NFIX: variants seen among roughly 807,000 people sequenced by gnomAD.
The protein encoded by NFIX is nuclear factor 1 X-type.
A neutral mutation model predicts 53.3 loss-of-function variants in NFIX; 2 were observed. The observed-to-expected ratio is 0.04, with a 90% CI of 0.02 to 0.12. NFIX has a LOEUF of 0.12. Ranked by LOEUF, NFIX falls within the 10% of genes least tolerant of loss-of-function variation. The pLI, the probability that NFIX is intolerant of heterozygous loss-of-function variation, is 1.00. For missense variants in NFIX, 310 were observed against 674.5 expected, an observed-to-expected ratio of 0.46 and a Z score of 5.99; for synonymous variants, 244 against 289.0, an observed-to-expected ratio of 0.84 and a Z score of 1.58.
At chr19:13,085,934 G>A (rs2017753466) in intron 8 of NFIX, among the ~76,000 whole-genome samples, 1 of 152,210 alleles carries the variant, frequency 6.6e-6, no homozygotes, top group Admixed American at 6.5e-5. Context: ...GGCAGGGATG[G>A]GGGAGTGGCC....
At chr19:13,085,427 A>G (rs1171905999) in intron 8 of NFIX, among the ~76,000 whole-genome samples, 10 of 152,184 alleles carry the variant, frequency 6.6e-5, no homozygotes, top group Admixed American at 5.9e-4. Flanking sequence ...TGGGAGCCTG[A>G]GCTCGGGACA....
At position 13,090,752 on chromosome 19, in the gene NFIX, A is replaced by T. The variant is rs548816649; in HGVS notation, c.1494+362A>T. On this transcript the variant is annotated intron_variant, in intron 10 of 10. Transcript: ENST00000592199. The surrounding 1 kb of genome is among the most constrained non-coding windows in gnomAD (Gnocchi z 6.6). ...TGCCTCACTGCTTTCACCTGCCCCG[A>T]CTGGAAGCCCCGGCCCCTAGCCCTC... 8.5e-5 allele frequency among the ~76,000 whole-genome samples: 13 copies of T among 152,124 alleles called. No homozygotes were observed. Among genetic ancestry groups the T allele is most frequent in the Non-Finnish European group, 1.9e-4 (13 of 68,008 alleles).
rs2016874662 is a variant in NFIX, at chr19:13,073,255, G to A, written c.622+146G>A. ...GCTTAGCTTGCTGTCCTGAGGGGAT[G>A]GGGGCACACCTAGAGGATCCCCCCT... On this transcript the variant is annotated intron_variant, in intron 3 of 10. Transcript: ENST00000592199. This position sits in a 1 kb window ranked among gnomAD's most constrained non-coding sequence, Gnocchi z 4.5. 1.0e-6 allele frequency: 1 copy of A among 969,384 alleles called. No individual in the cohort carries two copies. Among genetic ancestry groups the A allele is most frequent in the Non-Finnish European group, 1.7e-6 (1 of 598,938 alleles). 60.0% of individuals were successfully genotyped at this position (969,384 alleles called of 1,614,324 possible).
Position 13,049,707 on chromosome 19 carries a change from C to CTT in NFIX, c.560-23340_560-23339insTT, listed in dbSNP as rs1209419329. Among the ~76,000 whole-genome samples, 1 of 151,944 alleles carries CTT rather than the reference C, an allele frequency of 6.6e-6. No homozygotes were observed. The highest frequency in any genetic ancestry group is 1.9e-4 in the East Asian group (1 of 5,174). ...CTCCTGGGTTCAAGCGATTCTTCTG[C>CTT]CTCGGCCTCCTAAGTAGCTGGGACT... On this transcript the variant is annotated intron_variant, in intron 2 of 10. Transcript: ENST00000592199. This position sits in a 1 kb window ranked among gnomAD's most constrained non-coding sequence, Gnocchi z 4.5.
chr19:13,047,620 G>T (rs939847395), intron 2 of NFIX, among the ~76,000 whole-genome samples: 1 of 152,134 alleles, frequency 6.6e-6, no homozygotes, highest in Admixed American at 6.5e-5. Context: ...TTGAGCTCTA[G>T]GCCCCAGAAC....
intron 1 of NFIX, among the ~76,000 whole-genome samples, chr19:13,019,059 G>A (rs1401163117): frequency 1.3e-5 from 2 of 152,044 alleles, no homozygotes; most frequent in Non-Finnish European, 2.9e-5. Flanking sequence ...GGGCCCAAGT[G>A]TCCAGGATCT....
chr19:13,028,741 A>G lies in NFIX; in HGVS notation c.559+3189A>G, dbSNP rs933521149. ...ATTTCCTGGTGATATCCTTCCATTCAAAGCGGGTATCCCAGAACAGGTGGC... is the reference window on the plus strand; with the variant it reads ...ATTTCCTGGTGATATCCTTCCATTCGAAGCGGGTATCCCAGAACAGGTGGC... On this transcript the variant is annotated intron_variant, in intron 2 of 10. Transcript: ENST00000592199. This position sits in a 1 kb window ranked among gnomAD's most constrained non-coding sequence, Gnocchi z 4.2. Among the ~76,000 whole-genome samples, 14 of 152,094 alleles carry G rather than the reference A, an allele frequency of 9.2e-5. No homozygotes were observed. The highest frequency in any genetic ancestry group is 3.4e-4 in the African/African-American group (14 of 41,402).
chr19:13,091,400 CAAAA>C (rs57370192), intron 10 of NFIX, among the ~76,000 whole-genome samples: 9 of 57,184 alleles, frequency 1.6e-4, no homozygotes, highest in Admixed American at 1.2e-3. Flanking sequence ...TTCCTTCCCT[CAAAA>C]AAAAAAAAAA....
chr19:13,094,605 C>T lies in NFIX; in HGVS notation c.1495-30C>T. 6.5e-7 allele frequency: 1 copy of T among 1,535,924 alleles called. No individual in the cohort carries two copies. The stretch of plus-strand genomic sequence containing the variant: ...AGATGGGACCTGCCCCAGCTGTTCT[C>T]AGTATCGCCTCTTTTTCATCCTGTT... On this transcript the variant is annotated intron_variant, in intron 10 of 10. Coordinates refer to ENST00000592199, the MANE Select transcript of NFIX (RefSeq NM_001365902.3). The surrounding 1 kb of genome is among the most constrained non-coding windows in gnomAD (Gnocchi z 4.3).
At chr19:13,029,018 G>A (rs115978832) in intron 2 of NFIX, among the ~76,000 whole-genome samples, 8 of 152,142 alleles carry the variant, frequency 5.3e-5, no homozygotes, top group African/African-American at 1.2e-4. Flanking sequence ...CCTCCTGTGC[G>A]CCTGCAGCGG....
In NFIX at chr19:13,005,617, A is replaced by G. The variant is rs1009014245; in HGVS notation, c.27+9753A>G. 6.6e-6 allele frequency among the ~76,000 whole-genome samples: 1 copy of G among 152,226 alleles called. No homozygotes were observed. The highest frequency in any genetic ancestry group is 1.5e-5 in the Non-Finnish European group (1 of 68,034). ...TGAAAAACCAAGACTCAGTAGAGGT[A>G]TCCAGTGCTAGGGTCAAGGGCGGGG... On this transcript the variant is annotated intron_variant, in intron 1 of 10. Coordinates refer to ENST00000592199, the MANE Select transcript of NFIX (RefSeq NM_001365902.3). The surrounding 1 kb of genome is among the most constrained non-coding windows in gnomAD (Gnocchi z 4.7).
Position 13,060,406 on chromosome 19 carries a change from G to C in NFIX, c.560-12641G>C, listed in dbSNP as rs1396107276. 6.6e-6 allele frequency among the ~76,000 whole-genome samples: 1 copy of C among 152,042 alleles called. No homozygotes were observed. Among genetic ancestry groups the C allele is most frequent in the Non-Finnish European group, 1.5e-5 (1 of 67,992 alleles). Reference sequence around the variant, plus strand: ...CCTCACTGTGGGTGGGAGGGGCGTGGTCAGCCAGCCTTGCCTCCTGGGGCA... The same window carrying C: ...CCTCACTGTGGGTGGGAGGGGCGTGCTCAGCCAGCCTTGCCTCCTGGGGCA... On this transcript the variant is annotated intron_variant, in intron 2 of 10. Coordinates refer to ENST00000592199, the MANE Select transcript of NFIX (RefSeq NM_001365902.3). This position sits in a 1 kb window ranked among gnomAD's most constrained non-coding sequence, Gnocchi z 4.3.
intron 1 of NFIX, among the ~76,000 whole-genome samples, chr19:13,000,689 C>T (rs989558284): frequency 6.6e-6 from 1 of 152,146 alleles, no homozygotes; most frequent in Non-Finnish European, 1.5e-5. Flanking sequence ...GACAAAGAGA[C>T]CCGGTGCATC....
chr19:13,086,323 G>C (rs1326401126), intron 8 of NFIX, among the ~76,000 whole-genome samples: 1 of 152,184 alleles, frequency 6.6e-6, no homozygotes, highest in South Asian at 2.1e-4. Context: ...TGTGGATTTG[G>C]GGGAGAGGAT....
rs999010609 is a variant in NFIX, at chr19:13,090,097, G to T, written c.1403-202G>T. Among the ~76,000 whole-genome samples, 1 of 152,170 alleles carries T rather than the reference G, an allele frequency of 6.6e-6. No individual in the cohort carries two copies. The highest frequency in any genetic ancestry group is 6.5e-5 in the Admixed American group (1 of 15,284). On this transcript the variant is annotated intron_variant, in intron 9 of 10. Transcript: ENST00000592199. This position sits in a 1 kb window ranked among gnomAD's most constrained non-coding sequence, Gnocchi z 6.6. Reference sequence around the variant, plus strand: ...GTTCCTGGTCAGTGAGAGGATGAGGGTGTCCCTCTGTAGTGGGGGGCAGGC... The same window carrying T: ...GTTCCTGGTCAGTGAGAGGATGAGGTTGTCCCTCTGTAGTGGGGGGCAGGC...
chr19:13,081,009 A>C lies in NFIX; in HGVS notation c.1079-671A>C, dbSNP rs1002958992. On this transcript the variant is annotated intron_variant, in intron 7 of 10. Coordinates refer to ENST00000592199, the MANE Select transcript of NFIX (RefSeq NM_001365902.3). This position sits in a 1 kb window ranked among gnomAD's most constrained non-coding sequence, Gnocchi z 4.7. ...AGCGAGACTCAGTCTCAAAAAAAAA[A>C]ATTCTTTAGGCTGGGCACAGTGGCT... Among the ~76,000 whole-genome samples the C allele has an allele frequency of 6.7e-6, 1 of 148,392 alleles. No homozygotes were observed. Among genetic ancestry groups the C allele is most frequent in the East Asian group, 2.0e-4 (1 of 5,000 alleles).
At chr19:12,999,242 C>T (rs1461452966) in intron 1 of NFIX, among the ~76,000 whole-genome samples, 3 of 151,216 alleles carry the variant, frequency 2.0e-5, no homozygotes, top group African/African-American at 7.3e-5. Flanking sequence ...GGCGTGATCT[C>T]GGCTCACTGT....
At position 13,043,870 on chromosome 19, in the gene NFIX, A is replaced by G. The variant is rs141384970; in HGVS notation, c.559+18318A>G. On this transcript the variant is annotated intron_variant, in intron 2 of 10. Transcript: ENST00000592199. The surrounding 1 kb of genome is among the most constrained non-coding windows in gnomAD (Gnocchi z 4.0). ...CCAGGTGTGGTGGCTCATACCTGTAATTCTAGCACTTTGGGAGGCCGATGT... is the reference window on the plus strand; with the variant it reads ...CCAGGTGTGGTGGCTCATACCTGTAGTTCTAGCACTTTGGGAGGCCGATGT... Among the ~76,000 whole-genome samples, 410 of 152,218 alleles carry G rather than the reference A, an allele frequency of 2.7e-3. 6 individuals carry two copies. Among genetic ancestry groups the G allele is most frequent in the African/African-American group, 9.6e-3 (399 of 41,522 alleles).
chr19:13,078,148 C>T lies in NFIX; in HGVS notation c.956-465C>T, dbSNP rs2017222555. Among the ~76,000 whole-genome samples, 1 of 152,144 alleles carries T rather than the reference C, an allele frequency of 6.6e-6. No individual in the cohort carries two copies. The highest frequency in any genetic ancestry group is 2.4e-5 in the African/African-American group (1 of 41,440). On this transcript the variant is annotated intron_variant, in intron 6 of 10. Transcript: ENST00000592199. This position sits in a 1 kb window ranked among gnomAD's most constrained non-coding sequence, Gnocchi z 4.7. ...CCCTAAACGGGGCCCTGGCTTCTTCCCACCAGAACCTCCCATGGCCCCGGG... is the reference window on the plus strand; with the variant it reads ...CCCTAAACGGGGCCCTGGCTTCTTCTCACCAGAACCTCCCATGGCCCCGGG...
Sources: gnomAD v4.1 joint callset for allele counts (sites outside exome capture counted in the v4.1 genomes callset) on GRCh38, gnomAD v4.1.1 for gene constraint, Gnocchi (gnomAD v3.1) non-coding constraint, MANE v1.5 for transcripts, NCBI Gene and HGNC (gene_info 2026-07-23, HGNC 2026-07-21) for gene names.